The following DPYD variants were observed in gnomAD, a reference collection of about 807,000 sequenced individuals.
DPYD encodes the protein dihydropyrimidine dehydrogenase [NADP(+)].
Under a neutral mutation model 116.2 loss-of-function variants are expected in DPYD, and 109 were observed. The observed-to-expected ratio is 0.94, with a 90% CI of 0.80 to 1.10. The LOEUF is 1.10. DPYD is among the 50% of genes least tolerant of loss of function. The pLI, the probability that DPYD is intolerant of heterozygous loss-of-function variation, is 0.00. For synonymous variants in DPYD, 440 were observed against 432.0 expected (o/e 1.02, Z -0.23); for missense variants, 1,302 against 1,254.5 (o/e 1.04, Z -0.57).
At chr1:97,306,726 C>T (rs61786355) in intron 16 of DPYD, among the ~76,000 whole-genome samples, 2,723 of 151,900 alleles carry the variant, frequency 0.018, 32 homozygotes, top group Non-Finnish European at 0.028. Context: ...GATATTAAAT[C>T]TAAAGCTTGT....
At chr1:97,911,286 C>G (rs1673921270) in intron 1 of DPYD, among the ~76,000 whole-genome samples, 1 of 151,986 alleles carries the variant, frequency 6.6e-6, no homozygotes, top group South Asian at 2.1e-4. Flanking sequence ...TTGTTTCTTA[C>G]TGTCCAGTCT....
chr1:97,507,245 A>G (rs576956596), intron 13 of DPYD, among the ~76,000 whole-genome samples: 1 of 152,160 alleles, frequency 6.6e-6, no homozygotes, highest in African/African-American at 2.4e-5. Context: ...AACTATTAGT[A>G]TACAGAAGTC....
intron 11 of DPYD, among the ~76,000 whole-genome samples, chr1:97,567,179 G>C (rs1652580024): frequency 2.0e-5 from 3 of 152,122 alleles, no homozygotes; most frequent in Admixed American, 2.0e-4. Context: ...CCCATGGCCT[G>C]CACCTTTTCT....
At chr1:97,782,704 A>T (rs1666818040) in intron 3 of DPYD, among the ~76,000 whole-genome samples, 1 of 152,250 alleles carries the variant, frequency 6.6e-6, no homozygotes, top group African/African-American at 2.4e-5. Flanking sequence ...ATTCAGTGCT[A>T]CTTTATATGA....
chr1:97,386,818 G>C (rs1672374672), intron 14 of DPYD, among the ~76,000 whole-genome samples: 1 of 152,042 alleles, frequency 6.6e-6, no homozygotes, highest in African/African-American at 2.4e-5. Context: ...TATTAAAAGA[G>C]AAAGCAATTT....
chr1:97,385,533 A>AC (rs1031820511), intron 14 of DPYD, among the ~76,000 whole-genome samples: 2 of 150,106 alleles, frequency 1.3e-5, no homozygotes, highest in African/African-American at 4.9e-5. Flanking sequence ...CTTAAAAAAA[A>AC]AAAAACAAAA....
intron 3 of DPYD, among the ~76,000 whole-genome samples, chr1:97,788,906 T>C (rs1447283473): frequency 6.6e-6 from 1 of 152,092 alleles, no homozygotes; most frequent in Non-Finnish European, 1.5e-5. Flanking sequence ...CAGGTTCAAG[T>C]CATCGTCCTA....
At chr1:97,832,066 T>TGTGTGTGTGC (rs1669568822) in intron 2 of DPYD, among the ~76,000 whole-genome samples, 1 of 151,268 alleles carries the variant, frequency 6.6e-6, no homozygotes, top group African/African-American at 2.4e-5. Flanking sequence ...TGTGTGTGTG[T>TGTGTGTGTGC]GTGTGTGTGT....
At chr1:97,468,554 T>C (rs1677457438) in intron 13 of DPYD, among the ~76,000 whole-genome samples, 2 of 152,152 alleles carry the variant, frequency 1.3e-5, no homozygotes, top group Admixed American at 6.6e-5. Flanking sequence ...CTTCTCAACC[T>C]CCAGAACTGT....
intron 8 of DPYD, among the ~76,000 whole-genome samples, chr1:97,646,692 G>C (rs1161872849): frequency 6.6e-6 from 1 of 151,568 alleles, no homozygotes; most frequent in East Asian, 1.9e-4. Context: ...TTCTTTTAAT[G>C]CCATGAGAAT....
intron 20 of DPYD, among the ~76,000 whole-genome samples, chr1:97,178,989 G>A (rs192361795): frequency 2.1e-4 from 32 of 152,206 alleles, no homozygotes; most frequent in Non-Finnish European, 3.4e-4. Flanking sequence ...GTGCTTAAAC[G>A]CTTCCAGCCA....
At chr1:97,165,379 C>A (rs930603574) in intron 20 of DPYD, among the ~76,000 whole-genome samples, 2 of 152,102 alleles carry the variant, frequency 1.3e-5, no homozygotes, top group Non-Finnish European at 1.5e-5. Flanking sequence ...TAGCCATATG[C>A]AGAAGATTAA....
At chr1:97,828,485 T>C (rs1366387610) in intron 2 of DPYD, among the ~76,000 whole-genome samples, 5 of 152,136 alleles carry the variant, frequency 3.3e-5, no homozygotes, top group African/African-American at 1.2e-4. Flanking sequence ...TTTATAAAAG[T>C]AGGAAAACTT....
At chr1:97,365,480 T>C (rs529788074) in intron 16 of DPYD, among the ~76,000 whole-genome samples, 67 of 152,360 alleles carry the variant, frequency 4.4e-4, no homozygotes, top group African/African-American at 1.6e-3. Flanking sequence ...TATGCTATAG[T>C]CAACAAATAC....
chr1:97,394,174 T>G (rs1672881963), intron 14 of DPYD: 1 of 152,146 alleles, frequency 6.6e-6, no homozygotes, highest in Non-Finnish European at 1.5e-5. Flanking sequence ...TTAAGTTCTT[T>G]GTAGATTCTG....
intron 16 of DPYD, among the ~76,000 whole-genome samples, chr1:97,324,726 T>A (rs1046963223): frequency 2.0e-5 from 3 of 152,180 alleles, no homozygotes; most frequent in South Asian, 2.1e-4. Flanking sequence ...CATTTTAATA[T>A]GTCATAATGA....
intron 16 of DPYD, among the ~76,000 whole-genome samples, chr1:97,314,331 G>A (rs1433841483): frequency 6.6e-6 from 1 of 151,774 alleles, no homozygotes; most frequent in Non-Finnish European, 1.5e-5. Flanking sequence ...TATCAGCTAA[G>A]GGGAACTATA....
chr1:97,414,402 T>A, intron 14 of DPYD, among the ~76,000 whole-genome samples: 1 of 152,346 alleles, frequency 6.6e-6, no homozygotes, highest in Non-Finnish European at 1.5e-5. Context: ...CCCTATCTTA[T>A]GGTCTTGAAG....
At chr1:97,620,415 T>C (rs1315022161) in intron 8 of DPYD, among the ~76,000 whole-genome samples, 1 of 152,102 alleles carries the variant, frequency 6.6e-6, no homozygotes, top group East Asian at 1.9e-4. Flanking sequence ...AAGGTCTCCC[T>C]ATGTTTCTCA....
Sources: allele counts gnomAD v4.1 joint callset (sites outside exome capture counted in the v4.1 genomes callset), GRCh38; gene constraint gnomAD v4.1.1; transcripts MANE v1.5; gene names NCBI Gene and HGNC (gene_info 2026-07-23, HGNC 2026-07-21).